Variants in IL1RN observed in about 807,000 individuals in gnomAD.
The protein encoded by IL1RN is interleukin 1 receptor antagonist, also known as interleukin-1 receptor antagonist protein.
Under a neutral mutation model 13.7 loss-of-function variants are expected in IL1RN, and 10 were observed. The ratio of observed to expected loss-of-function variants is 0.73; its 90% confidence interval spans 0.45 to 1.24. The LOEUF (loss-of-function observed/expected upper bound fraction) is 1.24, where lower values mean the gene tolerates loss of function less well. IL1RN is among the 50% of genes most tolerant of loss of function. The probability of loss-of-function intolerance (pLI) is 0.00; values close to 1 mark genes in which losing one functional copy is unlikely to be tolerated. For missense variants in IL1RN, 213 were observed against 222.1 expected (o/e 0.96, Z 0.26); for synonymous variants, 102 against 82.7 (o/e 1.23, Z -1.27).
chr2:113,119,917 C>G, intron 1 of IL1RN: 1 of 714,906 alleles, frequency 1.4e-6, no homozygotes, highest in East Asian at 2.7e-5. Context: ...GGTGCATACT[C>G]GGACTGGAAA....
the IL1RN span, among the ~76,000 whole-genome samples, chr2:113,099,724 TTTTC>T: frequency 1.1e-3 from 30 of 27,136 alleles, 2 homozygotes; most frequent in Middle Eastern, 0.038. Context: ...CTCTTCTTTC[TTTTC>T]TTTTTTTTTT....
the IL1RN span, among the ~76,000 whole-genome samples, chr2:113,099,723 C>CTTTTTTTTTTTTTTTTTTTTTTTTT: frequency 9.7e-5 from 7 of 72,224 alleles, no homozygotes; most frequent in Non-Finnish European, 1.6e-4. Context: ...CCTCTTCTTT[C>CTTTTTTTTTTTTTTTTTTTTTTTTT]TTTTCTTTTT....
upstream of IL1RN, among the ~76,000 whole-genome samples, chr2:113,108,367 A>G (rs763657482): frequency 6.6e-6 from 1 of 151,974 alleles, no homozygotes. Flanking sequence ...CCATTAACTC[A>G]TCATTTAGCA....
intron 3 of IL1RN, among the ~76,000 whole-genome samples, chr2:113,131,504 T>A (rs1687170323): frequency 6.6e-6 from 1 of 152,084 alleles, no homozygotes; most frequent in African/African-American, 2.4e-5. Flanking sequence ...TGCATCATCC[T>A]ATTGGCCAAA....
At chr2:113,125,987 G>A (rs1314040364), upstream of IL1RN, among the ~76,000 whole-genome samples, 8 of 152,024 alleles carry the variant, frequency 5.3e-5, no homozygotes, top group Non-Finnish European at 7.4e-5. Flanking sequence ...CAGTAGAGAC[G>A]GAGTTTCACC....
intron 3 of IL1RN, among the ~76,000 whole-genome samples, chr2:113,131,538 C>A (rs575365033): frequency 6.6e-6 from 1 of 152,204 alleles, no homozygotes; most frequent in Non-Finnish European, 1.5e-5. Flanking sequence ...CTAAGTCTAG[C>A]CCCCTGTGAG....
In IL1RN at chr2:113,133,128, C is replaced by T. The variant is rs1035385037; in HGVS notation, c.*257C>T. 60 of 550,496 alleles carry T rather than the reference C, an allele frequency of 1.1e-4. No individual in the cohort carries two copies. Among genetic ancestry groups the T allele is most frequent in the African/African-American group, 6.2e-4 (33 of 52,998 alleles). 34.1% of individuals were successfully genotyped at this position (550,496 alleles called of 1,614,324 possible). A position where few individuals can be genotyped will look rare whatever the true frequency, so the allele number is the denominator to read the frequency against. On this transcript the variant is annotated 3_prime_UTR_variant, in exon 4 of 4. Coordinates refer to ENST00000409930, the MANE Select transcript of IL1RN (RefSeq NM_173842.3). The stretch of plus-strand genomic sequence containing the variant: ...GCCCCTGCACAAAGCCCTTCCATGT[C>T]GCCTCTGCATTCAGGATCAAACCCC...
chr2:113,127,468 C>T, upstream of IL1RN: 3 of 1,427,638 alleles, frequency 2.1e-6, no homozygotes, highest in Non-Finnish European at 1.8e-6. Context: ...AAAGTGACAA[C>T]AGCAAGGGTT....
intron 3 of IL1RN, among the ~76,000 whole-genome samples, chr2:113,131,560 T>A (rs45620932): frequency 1.3e-5 from 2 of 152,064 alleles, no homozygotes; most frequent in Non-Finnish European, 2.9e-5. Context: ...GGAGACTGCA[T>A]AAGAGTGTGA....
At chr2:113,123,281 A>T (rs1197920614), upstream of IL1RN, among the ~76,000 whole-genome samples, 1 of 152,230 alleles carries the variant, frequency 6.6e-6, no homozygotes, top group African/African-American at 2.4e-5. Flanking sequence ...CAAGGCTGTA[A>T]GGAACTGCCT....
At chr2:113,102,089 A>G in the IL1RN span, among the ~76,000 whole-genome samples, 2 of 151,886 alleles carry the variant, frequency 1.3e-5, no homozygotes, top group Non-Finnish European at 1.5e-5. Context: ...TCTTAAGGAG[A>G]TTGTCTTAGT....
upstream of IL1RN, chr2:113,117,548 C>T: frequency 5.4e-6 from 1 of 184,810 alleles, no homozygotes; most frequent in Admixed American, 5.5e-5. Context: ...GCGTTGGGGA[C>T]CTTGTCTGGC....
chr2:113,131,071 C>A lies in IL1RN; in HGVS notation c.232C>A (p.Pro78Thr), dbSNP rs765569594. Residue 78 changes from proline (P) to threonine (T), a missense_variant, in exon 3 of 4, where the codon CCT (proline) becomes ACT (threonine). Transcript: ENST00000409930. Reference sequence around the variant, plus strand: ...AAAGATAGATGTGGTACCCATTGAGCCTCATGCTCTGTTCTTGGGAATCCA... The same window carrying A: ...AAAGATAGATGTGGTACCCATTGAGACTCATGCTCTGTTCTTGGGAATCCA... ...EEKIDVVPIE[P>T]HALFLGIHGG... 1.2e-6 allele frequency: 2 copies of A among 1,612,932 alleles called. No individual in the cohort carries two copies. The highest frequency in any genetic ancestry group is 1.1e-5 in the South Asian group (1 of 91,064).
chr2:113,125,945 C>T (rs2104448707), upstream of IL1RN, among the ~76,000 whole-genome samples: 1 of 152,204 alleles, frequency 6.6e-6, no homozygotes, highest in Admixed American at 6.5e-5. Flanking sequence ...ATTACAGGCA[C>T]ATGCCACCAT....
chr2:113,105,089 G>A (rs1286211481), upstream of IL1RN, among the ~76,000 whole-genome samples: 1 of 152,212 alleles, frequency 6.6e-6, no homozygotes, highest in African/African-American at 2.4e-5. Context: ...TCTTTCAGAG[G>A]AGGTAGCCTC....
chr2:113,099,514 TC>T, the IL1RN span, among the ~76,000 whole-genome samples: 1 of 152,118 alleles, frequency 6.6e-6, no homozygotes, highest in African/African-American at 2.4e-5. Context: ...AACTCACAGT[TC>T]CTCGACTGTC....
At chr2:113,103,029 A>G (rs973652590), upstream of IL1RN, among the ~76,000 whole-genome samples, 3 of 152,252 alleles carry the variant, frequency 2.0e-5, no homozygotes, top group African/African-American at 7.2e-5. Context: ...CCCACGGCAG[A>G]CATGACTACT....
chr2:113,107,343 A>G (rs7561080), upstream of IL1RN: 30,276 of 152,196 alleles, frequency 0.2, 4,399 homozygotes, highest in African/African-American at 0.4. Flanking sequence ...ACTTCTCAAC[A>G]ACAACGAAAG....
At chr2:113,118,016 C>G in exon 1 of IL1RN, 1 of 1,582,204 alleles carries the variant, frequency 6.3e-7, no homozygotes, top group Non-Finnish European at 8.7e-7. Context: ...TGAGGCCCTC[C>G]CCATGGCTTT....
Sources: gnomAD v4.1 joint callset for allele counts (sites outside exome capture counted in the v4.1 genomes callset) on GRCh38, gnomAD v4.1.1 for gene constraint, MANE v1.5 for transcripts, NCBI Gene and HGNC (gene_info 2026-07-23, HGNC 2026-07-21) for gene names.